SEL1L2: variants seen among roughly 807,000 people sequenced by gnomAD.
The protein encoded by SEL1L2 is protein sel-1 homolog 2.
Under a neutral mutation model 98.8 loss-of-function variants are expected in SEL1L2, and 89 were observed. That is an observed-to-expected ratio of 0.90 (90% CI 0.76 to 1.07). SEL1L2 has a LOEUF of 1.07. SEL1L2 is among the 50% of genes least tolerant of loss of function. SEL1L2 has a pLI of 0.00. For synonymous variants in SEL1L2, 262 were observed against 278.5 expected (o/e 0.94, Z 0.59); for missense variants, 788 against 812.0 (o/e 0.97, Z 0.36).
At position 13,887,989 on chromosome 20, in the gene SEL1L2, AAT is replaced by A; in HGVS notation, c.614_615del (p.Tyr205LeufsTer31). On this transcript the variant is annotated frameshift_variant, in exon 7 of 20. Transcript: ENST00000284951. LOFTEE classifies it high-confidence loss of function. The part of the protein sequence containing the change: ...MEYDQAKALI[Y>X]YTFGSAGGNM... Reference sequence around the variant, plus strand: ...TTTCCTCCAGCACTTCCAAAGGTGTAATATATCAGTGCCTAAAGTAAAAACAA... The same window carrying A: ...TTTCCTCCAGCACTTCCAAAGGTGTAATATCAGTGCCTAAAGTAAAAACAA... 1 of 1,613,582 alleles carries A rather than the reference AAT, an allele frequency of 6.2e-7. No homozygotes were observed. Among genetic ancestry groups the A allele is most frequent in the South Asian group, 1.1e-5 (1 of 91,030 alleles).
At position 13,920,253 on chromosome 20, in the gene SEL1L2, A is replaced by G. The variant is rs1453631492; in HGVS notation, c.284-1130T>C. Reference sequence around the variant, plus strand: ...AAAAAAAAAAAAAAAAAAAAATTCTACCTAAGGCTTTTCCACCTCCCAGGA... The same window carrying G: ...AAAAAAAAAAAAAAAAAAAAATTCTGCCTAAGGCTTTTCCACCTCCCAGGA... On this transcript the variant is annotated intron_variant, in intron 3 of 19. Coordinates refer to ENST00000284951, the MANE Select transcript of SEL1L2 (RefSeq NM_025229.2). Among the ~76,000 whole-genome samples, 5 of 144,642 alleles carry G rather than the reference A, an allele frequency of 3.5e-5. No individual in the cohort carries two copies. In the East Asian group the frequency reaches 8.2e-4, roughly 24 times the overall value. 94.9% of individuals were successfully genotyped at this position (144,642 alleles called of 152,430 possible). A position where few individuals can be genotyped will look rare whatever the true frequency, so the allele number is the denominator to read the frequency against.
intron 3 of SEL1L2, among the ~76,000 whole-genome samples, chr20:13,928,529 A>G (rs1412111052): frequency 6.6e-6 from 1 of 152,170 alleles, no homozygotes. Context: ...AATTACAATT[A>G]CCCACCCACC....
intron 12 of SEL1L2, among the ~76,000 whole-genome samples, chr20:13,875,560 G>A (rs571234391): frequency 1.3e-5 from 2 of 152,298 alleles, no homozygotes; most frequent in African/African-American, 4.8e-5. Context: ...GCCTTGCCCT[G>A]GCCTCCTCCC....
intron 2 of SEL1L2, among the ~76,000 whole-genome samples, chr20:13,952,835 C>T (rs2050336645): frequency 6.6e-6 from 1 of 152,194 alleles, no homozygotes; most frequent in Non-Finnish European, 1.5e-5. Flanking sequence ...TCAAGACCAT[C>T]CTGGCCAACA....
At chr20:13,864,520 C>T (rs1311542671) in intron 17 of SEL1L2, among the ~76,000 whole-genome samples, 1 of 152,124 alleles carries the variant, frequency 6.6e-6, no homozygotes, top group African/African-American at 2.4e-5. Context: ...AGAGACATCG[C>T]AATGCAATGA....
At chr20:13,862,521 A>C (rs1480829739) in intron 17 of SEL1L2, among the ~76,000 whole-genome samples, 1 of 152,184 alleles carries the variant, frequency 6.6e-6, no homozygotes, top group African/African-American at 2.4e-5. Flanking sequence ...TTTGGCCCTA[A>C]TGTAGTGCAT....
chr20:13,940,275 A>G (rs760985443), intron 2 of SEL1L2, among the ~76,000 whole-genome samples: 3 of 152,236 alleles, frequency 2.0e-5, no homozygotes, highest in Non-Finnish European at 4.4e-5. Context: ...CTTACAGAAG[A>G]GGTGACTTTG....
chr20:13,931,658 T>G lies in SEL1L2; in HGVS notation c.228A>C (p.Lys76Asn). 4 of 1,512,344 alleles carry G rather than the reference T, an allele frequency of 2.6e-6. No individual in the cohort carries two copies. The highest frequency in any genetic ancestry group is 3.6e-6 in the Non-Finnish European group (4 of 1,110,430). 93.7% of individuals were successfully genotyped at this position (1,512,344 alleles called of 1,614,324 possible). Residue 76 changes from lysine to asparagine, a missense_variant, in exon 3 of 20, where the codon AAA becomes AAC. Lys to Asn is a moderately conservative substitution (Grantham distance 94). Coordinates refer to ENST00000284951, the MANE Select transcript of SEL1L2 (RefSeq NM_025229.2). ...TATTTTGAATTCCTTTTATTCTTATTTTACGTTGATTCTTCTTTTTCTCCA... is the reference window on the plus strand; with the variant it reads ...TATTTTGAATTCCTTTTATTCTTATGTTACGTTGATTCTTCTTTTTCTCCA... The part of the protein sequence containing the change: ...NLLEKKKNQR[K>N]IRIKGIQNKD...
In SEL1L2 at chr20:13,887,755, T is replaced by A. The variant is rs371352363; in HGVS notation, c.745+14A>T. 1 of 1,509,848 alleles carries A rather than the reference T, an allele frequency of 6.6e-7. No homozygotes were observed. Among genetic ancestry groups the A allele is most frequent in the South Asian group, 1.1e-5 (1 of 87,008 alleles). The allele number at this position is 1,509,848 out of a possible 1,614,324, so 93.5% of individuals were successfully genotyped here. A position where few individuals can be genotyped will look rare whatever the true frequency, so the allele number is the denominator to read the frequency against. The stretch of plus-strand genomic sequence containing the variant: ...CAACTGTTTATTTTAAAATAAATTA[T>A]GTGGATTACTTACTATAATCTGCCA... On this transcript the variant is annotated intron_variant, in intron 8 of 19. Transcript: ENST00000284951.
intron 2 of SEL1L2, among the ~76,000 whole-genome samples, chr20:13,940,130 TA>T (rs2049689666): frequency 6.6e-6 from 1 of 152,120 alleles, no homozygotes; most frequent in South Asian, 2.1e-4. Context: ...CAGCAACCAG[TA>T]AACAAATAAA....
chr20:13,960,338 T>A (rs1435716618), intron 1 of SEL1L2, among the ~76,000 whole-genome samples: 1 of 152,110 alleles, frequency 6.6e-6, no homozygotes, highest in Non-Finnish European at 1.5e-5. Context: ...AAGAGTAACA[T>A]GAAAATTACA....
chr20:13,960,360 A>G (rs2050724454), intron 1 of SEL1L2, among the ~76,000 whole-genome samples: 1 of 152,234 alleles, frequency 6.6e-6, no homozygotes, highest in Admixed American at 6.5e-5. Context: ...GGCTAAAAGC[A>G]GTCATCGAAA....
At chr20:13,935,841 T>C (rs1030182786) in intron 2 of SEL1L2, among the ~76,000 whole-genome samples, 1 of 151,990 alleles carries the variant, frequency 6.6e-6, no homozygotes, top group Non-Finnish European at 1.5e-5. Context: ...CCAACTGAAA[T>C]AGGCCACTTG....
At chr20:13,993,645 C>T (rs1405038037), upstream of SEL1L2, among the ~76,000 whole-genome samples, 1 of 152,136 alleles carries the variant, frequency 6.6e-6, no homozygotes, top group African/African-American at 2.4e-5. Flanking sequence ...GGAGTGCAAA[C>T]AGCTTCTCTG....
intron 4 of SEL1L2, among the ~76,000 whole-genome samples, chr20:13,917,786 C>CTTTT (rs5840588): frequency 0.016 from 792 of 50,130 alleles, 24 homozygotes; most frequent in African/African-American, 0.025. Context: ...TTCTTTCTTT[C>CTTTT]TTTTTTTTTT....
At chr20:13,922,549 C>G (rs1760150029) in intron 3 of SEL1L2, among the ~76,000 whole-genome samples, 2 of 152,134 alleles carry the variant, frequency 1.3e-5, no homozygotes, top group Non-Finnish European at 2.9e-5. Flanking sequence ...TTATATTAAG[C>G]ACAATTGAAA....
chr20:13,922,785 G>A (rs1568975645), intron 3 of SEL1L2, among the ~76,000 whole-genome samples: 1 of 152,080 alleles, frequency 6.6e-6, no homozygotes, highest in Non-Finnish European at 1.5e-5. Flanking sequence ...ACTGGAATGT[G>A]CTATCTTTTT....
chr20:13,971,847 T>C lies in SEL1L2; in HGVS notation c.59-15716A>G, dbSNP rs965227590. 2.3e-4 allele frequency among the ~76,000 whole-genome samples: 35 copies of C among 152,212 alleles called. 1 individual carries two copies. The highest frequency in any genetic ancestry group is 8.4e-4 in the African/African-American group (35 of 41,442). Reference sequence around the variant, plus strand: ...TGTCACTAGCAATCATTACAATCCATCTCTTTCCTATTACATTTTAAAACC... The same window carrying C: ...TGTCACTAGCAATCATTACAATCCACCTCTTTCCTATTACATTTTAAAACC... On this transcript the variant is annotated intron_variant, in intron 1 of 19. Coordinates refer to ENST00000284951, the MANE Select transcript of SEL1L2 (RefSeq NM_025229.2).
chr20:13,957,554 T>A (rs187431400), intron 1 of SEL1L2, among the ~76,000 whole-genome samples: 5 of 152,308 alleles, frequency 3.3e-5, no homozygotes, highest in African/African-American at 9.6e-5. Flanking sequence ...TAGTCCTCTG[T>A]CAAATTAGAG....
Sources: gnomAD v4.1 joint callset for allele counts (sites outside exome capture counted in the v4.1 genomes callset) on GRCh38, gnomAD v4.1.1 for gene constraint, MANE v1.5 for transcripts, NCBI Gene and HGNC (gene_info 2026-07-23, HGNC 2026-07-21) for gene names.